Variants in DTNA observed in about 807,000 individuals in gnomAD.
DTNA encodes the protein dystrophin-related protein 3.
DTNA carries 43 observed loss-of-function variants against 100.7 expected under a neutral mutation model. The observed-to-expected ratio is 0.43, with a 90% CI of 0.33 to 0.55. The LOEUF is 0.55. DTNA is among the 20% of genes least tolerant of loss of function. The pLI is 0.04. For synonymous variants in DTNA, 349 were observed against 347.9 expected (o/e 1.00, Z -0.04); for missense variants, 798 against 953.9 (o/e 0.84, Z 2.15).
At position 34,744,763 on chromosome 18, in the gene DTNA, A is replaced by G. The variant is rs1601291419; in HGVS notation, c.-1-11213A>G. 2.0e-5 allele frequency among the ~76,000 whole-genome samples: 3 copies of G among 152,124 alleles called. No individual in the cohort carries two copies. In the South Asian group the frequency reaches 6.2e-4, roughly 32 times the overall value. ...CAGCTCCCCTCTGGAATTCACTCAC[A>G]CATGTCTTCAGTTATGCTTTAGCCT... On this transcript the variant is annotated intron_variant, in intron 1 of 22. Coordinates refer to ENST00000444659, the MANE Select transcript of DTNA (RefSeq NM_001386795.1).
chr18:34,547,472 G>A (rs2145863168), intron 1 of DTNA, among the ~76,000 whole-genome samples: 1 of 152,160 alleles, frequency 6.6e-6, no homozygotes, highest in Admixed American at 6.5e-5. Context: ...AGACGTCTTG[G>A]GAGAAGTCTT....
At chr18:34,789,193 G>T (rs2094613423) in intron 3 of DTNA, among the ~76,000 whole-genome samples, 2 of 152,116 alleles carry the variant, frequency 1.3e-5, no homozygotes, top group African/African-American at 4.8e-5. Flanking sequence ...CAATGTGCGT[G>T]ACTGCAGTTT....
chr18:34,625,191 T>C (rs1285513835), intron 1 of DTNA, among the ~76,000 whole-genome samples: 2 of 152,142 alleles, frequency 1.3e-5, no homozygotes. Context: ...CACGTCCGGC[T>C]AATTTTTTTG....
rs2096208988 is a variant in DTNA, at chr18:34,838,806, T to C, written c.1315T>C (p.Tyr439His). The change falls in exon 13 of 23, where the codon TAT (tyrosine) becomes CAT (histidine). Residue 439 changes from tyrosine to histidine, a missense_variant. Tyr to His is a moderately conservative substitution (Grantham distance 83). Around this residue, in one of 6 missense-constraint regions of DTNA, gnomAD observed 159 missense variants for 201.2 expected, o/e 0.79. Transcript: ENST00000444659. ...LADEHVLIGL[Y>H]VNMLRNNPSC... ...TGATGAACATGTTCTCATCGGGTTG[T>C]ATGTCAACATGCTCCGGAACAACCC... 2 of 1,613,614 alleles carry C rather than the reference T, an allele frequency of 1.2e-6. No homozygotes were observed. Among genetic ancestry groups the C allele is most frequent in the Non-Finnish European group, 1.7e-6 (2 of 1,179,772 alleles).
chr18:34,807,675 C>T (rs1168369702), intron 5 of DTNA, among the ~76,000 whole-genome samples: 2 of 152,096 alleles, frequency 1.3e-5, no homozygotes, highest in Non-Finnish European at 2.9e-5. Flanking sequence ...TGGGACTTCC[C>T]TCCATGGAGA....
At chr18:34,713,714 T>C (rs1373885905) in intron 1 of DTNA, among the ~76,000 whole-genome samples, 2 of 152,084 alleles carry the variant, frequency 1.3e-5, no homozygotes, top group Non-Finnish European at 2.9e-5. Flanking sequence ...ATCTGTAAAT[T>C]ACCTTGGGCA....
intron 1 of DTNA, among the ~76,000 whole-genome samples, chr18:34,616,720 T>C (rs1037765600): frequency 2.0e-5 from 3 of 152,228 alleles, no homozygotes; most frequent in African/African-American, 7.2e-5. Context: ...TTGAGCAATA[T>C]GGTCATATTA....
At chr18:34,561,773 A>G (rs1213315664) in intron 1 of DTNA, among the ~76,000 whole-genome samples, 1 of 152,214 alleles carries the variant, frequency 6.6e-6, no homozygotes, top group Non-Finnish European at 1.5e-5. Context: ...GAAAAAGGTT[A>G]TAAATGGATG....
At chr18:34,607,715 G>A (rs1054300516) in intron 1 of DTNA, among the ~76,000 whole-genome samples, 6 of 152,116 alleles carry the variant, frequency 3.9e-5, no homozygotes, top group African/African-American at 1.4e-4. Context: ...TTCTTCTCAT[G>A]ACCTCTTGAC....
intron 17 of DTNA, chr18:34,867,089 C>T (rs1035206951): frequency 1.6e-5 from 20 of 1,230,936 alleles, no homozygotes; most frequent in Non-Finnish European, 1.9e-5. Flanking sequence ...ATATATCCCA[C>T]TCACTAGCAT....
upstream of DTNA, among the ~76,000 whole-genome samples, chr18:34,707,345 T>G (rs187444052): frequency 5.0e-4 from 76 of 152,316 alleles, no homozygotes; most frequent in Non-Finnish European, 8.2e-4. Context: ...TGAAATTAAG[T>G]GGGTCACAAG....
At chr18:34,657,168 A>T (rs906325536) in intron 1 of DTNA, among the ~76,000 whole-genome samples, 3 of 152,144 alleles carry the variant, frequency 2.0e-5, no homozygotes. Flanking sequence ...GAGCCACTGC[A>T]CCTGGTCCTA....
intron 1 of DTNA, among the ~76,000 whole-genome samples, chr18:34,692,985 G>A (rs1390389943): frequency 1.3e-5 from 2 of 152,072 alleles, no homozygotes; most frequent in Non-Finnish European, 1.5e-5. Context: ...TCTTAAAGAA[G>A]TACATAAACA....
At chr18:34,748,919 T>G (rs1470343448) in intron 1 of DTNA, among the ~76,000 whole-genome samples, 1 of 152,234 alleles carries the variant, frequency 6.6e-6, no homozygotes, top group East Asian at 1.9e-4. Flanking sequence ...ACAATATTGA[T>G]TCTACCCATC....
intron 1 of DTNA, among the ~76,000 whole-genome samples, chr18:34,611,516 A>G (rs2054205266): frequency 6.6e-6 from 1 of 152,226 alleles, no homozygotes; most frequent in Admixed American, 6.5e-5. Context: ...GTATTCTTGA[A>G]GGACATGGGG....
At chr18:34,681,731 C>CA (rs1491407771) in intron 1 of DTNA, among the ~76,000 whole-genome samples, 3 of 148,164 alleles carry the variant, frequency 2.0e-5, no homozygotes, top group Admixed American at 6.7e-5. Flanking sequence ...CACACACACA[C>CA]CCCACACACA....
chr18:34,888,385 A>T lies in DTNA; in HGVS notation c.*651A>T, dbSNP rs749194607. On this transcript the variant is annotated 3_prime_UTR_variant, in exon 23 of 23. Coordinates refer to ENST00000444659, the MANE Select transcript of DTNA (RefSeq NM_001386795.1). ...AAGCCAAGAAGGGTCCTTGGCCTGC[A>T]CGGTCTGTAGTTGACTCCAAGTCTC... The T allele has an allele frequency of 4.1e-6, 4 of 985,864 alleles. No individual in the cohort carries two copies. The highest frequency in any genetic ancestry group is 4.8e-6 in the Non-Finnish European group (4 of 829,932). 61.1% of individuals were successfully genotyped at this position (985,864 alleles called of 1,614,324 possible). A position where few individuals can be genotyped will look rare whatever the true frequency, so the allele number is the denominator to read the frequency against.
chr18:34,760,113 C>A (rs1568433008), intron 2 of DTNA: 1 of 152,112 alleles, frequency 6.6e-6, no homozygotes, highest in Admixed American at 6.5e-5. Context: ...AAACCGATCT[C>A]AAAAATTCAG....
intron 1 of DTNA, among the ~76,000 whole-genome samples, chr18:34,742,660 T>TATTATCTATCTATATAGATAATAG (rs2090913461): frequency 6.6e-6 from 1 of 151,830 alleles, no homozygotes. Flanking sequence ...ATAGATAATC[T>TATTATCTATCTATATAGATAATAG]ATTATCTATC....
Sources: allele counts gnomAD v4.1 joint callset (sites outside exome capture counted in the v4.1 genomes callset), GRCh38; gene constraint gnomAD v4.1.1; regional missense constraint gnomAD v4.1.1; transcripts MANE v1.5; gene names NCBI Gene and HGNC (gene_info 2026-07-23, HGNC 2026-07-21).